Variants in CENPP observed in about 807,000 individuals in gnomAD.
CENPP encodes centromere protein P.
In CENPP, 24 loss-of-function variants were observed where a neutral mutation model predicts 35.6. The ratio of observed to expected loss-of-function variants is 0.67; its 90% CI spans 0.49 to 0.95. The LOEUF is 0.95. Ranked by LOEUF, CENPP falls within the 40% of genes least tolerant of loss-of-function variation. The pLI is 0.00. For synonymous variants in CENPP, 120 were observed against 125.5 expected (o/e 0.96, Z 0.29); for missense variants, 332 against 345.3 (o/e 0.96, Z 0.31).
In CENPP at chr9:92,620,356, G is replaced by A. The variant is rs1001955110; in HGVS notation, c.*7207G>A. On this transcript the variant is annotated 3_prime_UTR_variant, in exon 8 of 8. Transcript: ENST00000375587. ...CTGTACATGTGCACATGTGTGTGAC[G>A]CGGGCAGGGAGAAAGGTGAAGGACA... The A allele has an allele frequency of 3.9e-5, 6 of 152,328 alleles. No homozygotes were observed. The highest frequency in any genetic ancestry group is 1.2e-4 in the African/African-American group (5 of 41,454). The allele number at this position is 152,328 out of a possible 1,614,324, so 9.4% of individuals were successfully genotyped here.
At chr9:92,417,270 AG>A (rs1299823661) in intron 5 of CENPP, 1 of 1,614,140 alleles carries the variant, frequency 6.2e-7, no homozygotes, top group Admixed American at 1.7e-5. Flanking sequence ...AACTGAAGGT[AG>A]AGTTGCTGAA....
At chr9:92,376,466 T>C (rs1340508781) in intron 4 of CENPP, among the ~76,000 whole-genome samples, 7 of 152,008 alleles carry the variant, frequency 4.6e-5, no homozygotes, top group Admixed American at 2.6e-4. Flanking sequence ...AGAGTGGATA[T>C]TTAATAGGTG....
At chr9:92,393,101 C>A (rs1472401040) in intron 5 of CENPP, 4 of 1,613,328 alleles carry the variant, frequency 2.5e-6, no homozygotes, top group Non-Finnish European at 3.4e-6. Context: ...TCTGCAAAAT[C>A]TTTGGCAGTC....
chr9:92,551,963 TGTGTG>T (rs1405552280), intron 5 of CENPP, among the ~76,000 whole-genome samples: 8 of 111,540 alleles, frequency 7.2e-5, no homozygotes, highest in Non-Finnish European at 1.4e-4. Context: ...GATATATATA[TGTGTG>T]ATATATATGT....
At chr9:92,552,056 A>G (rs944617575) in intron 5 of CENPP, among the ~76,000 whole-genome samples, 1 of 133,174 alleles carries the variant, frequency 7.5e-6, no homozygotes, top group Admixed American at 7.4e-5. Context: ...TAGGTCTATC[A>G]TATATGTGAT....
chr9:92,503,663 TA>T (rs1440333385), intron 5 of CENPP, among the ~76,000 whole-genome samples: 1 of 152,218 alleles, frequency 6.6e-6, no homozygotes, highest in Non-Finnish European at 1.5e-5. Context: ...AATTCAGAGG[TA>T]AAACTGGCAT....
chr9:92,515,763 TAGAG>T (rs1183659056), intron 5 of CENPP, among the ~76,000 whole-genome samples: 5 of 152,222 alleles, frequency 3.3e-5, no homozygotes, highest in African/African-American at 1.2e-4. Flanking sequence ...TTCAGAATTA[TAGAG>T]AGAGAGTTTT....
In CENPP at chr9:92,619,661, C is replaced by A. The variant is rs1277860359; in HGVS notation, c.*6512C>A. The A allele has an allele frequency of 1.8e-6, 2 of 1,112,376 alleles. No individual in the cohort carries two copies. Among genetic ancestry groups the A allele is most frequent in the East Asian group, 5.2e-5 (2 of 38,536 alleles). The allele number at this position is 1,112,376 out of a possible 1,614,324, so 68.9% of individuals were successfully genotyped here. A position where few individuals can be genotyped will look rare whatever the true frequency, so the allele number is the denominator to read the frequency against. ...CAGTAGCCAAGTGTGGGAACTGCTT[C>A]CTGCCTCAGAACCTGAGGGTGGGAT... is the stretch of plus-strand genomic sequence containing the variant. On this transcript the variant is annotated 3_prime_UTR_variant, in exon 8 of 8. Coordinates refer to ENST00000375587, the MANE Select transcript of CENPP (RefSeq NM_001012267.3).
intron 7 of CENPP, 91 bp from the exon 8 acceptor site, chr9:92,612,928 G>A (rs1287701363): frequency 4.8e-6 from 7 of 1,465,966 alleles, no homozygotes; most frequent in South Asian, 2.4e-5. Context: ...GGAGGAGTGC[G>A]GGGTCTTGGT....
chr9:92,466,281 T>G, intron 5 of CENPP: 2 of 954,628 alleles, frequency 2.1e-6, no homozygotes. Context: ...AAATTATTCT[T>G]AATAGTGACG....
chr9:92,557,052 T>G (rs1455961751), intron 5 of CENPP, among the ~76,000 whole-genome samples: 1 of 152,242 alleles, frequency 6.6e-6, no homozygotes. Flanking sequence ...CAGCATTTGT[T>G]TGTCTGAAAA....
intron 5 of CENPP, among the ~76,000 whole-genome samples, chr9:92,461,303 C>T (rs1845100953): frequency 6.6e-6 from 1 of 152,124 alleles, no homozygotes; most frequent in East Asian, 1.9e-4. Context: ...TCACATCTAA[C>T]AAGATTAATA....
intron 5 of CENPP, among the ~76,000 whole-genome samples, chr9:92,589,347 A>G (rs1043038099): frequency 6.6e-6 from 1 of 151,724 alleles, no homozygotes; most frequent in Non-Finnish European, 1.5e-5. Context: ...CTGTCTCAAA[A>G]AAAAAAAAAT....
chr9:92,415,056 TA>T, intron 5 of CENPP: 3 of 934,558 alleles, frequency 3.2e-6, no homozygotes, highest in South Asian at 2.1e-5. Flanking sequence ...TACATAATTC[TA>T]AATATATTAC....
chr9:92,478,194 G>A lies in CENPP; in HGVS notation c.564+98335G>A, dbSNP rs182219513. The stretch of plus-strand genomic sequence containing the variant: ...TCAGTCCGCCAACAGAATTTTCTTT[G>A]CTTTATTTCTGCATATACTGCTGTC... On this transcript the variant is annotated intron_variant, in intron 5 of 7. Transcript: ENST00000375587. Among the ~76,000 whole-genome samples, 311 of 151,550 alleles carry A rather than the reference G, an allele frequency of 2.1e-3. 7 individuals are homozygous for A. Among genetic ancestry groups the A allele is most frequent in the Non-Finnish European group, 1.2e-3 (83 of 67,870 alleles).
chr9:92,414,571 T>C (rs1040121885), intron 5 of CENPP: 7 of 209,604 alleles, frequency 3.3e-5, no homozygotes, highest in Non-Finnish European at 6.8e-5. Context: ...AGTACCTGGA[T>C]GGCCTCTTAC....
At chr9:92,347,119 G>T (rs1301463356) in intron 4 of CENPP, among the ~76,000 whole-genome samples, 1 of 152,166 alleles carries the variant, frequency 6.6e-6, no homozygotes. Flanking sequence ...ACTAGAAAAG[G>T]CCCTAGAACT....
At chr9:92,417,482 T>C in intron 5 of CENPP, 1 of 1,613,796 alleles carries the variant, frequency 6.2e-7, no homozygotes, top group East Asian at 2.2e-5. Flanking sequence ...TTCATCCCAC[T>C]GATAAGTTTC....
chr9:92,505,766 A>G, intron 5 of CENPP: 4 of 1,226,026 alleles, frequency 3.3e-6, no homozygotes, highest in Non-Finnish European at 4.5e-6. Flanking sequence ...TTGAAATGTC[A>G]TGTGAAATGG....
Sources: gnomAD v4.1 joint callset for allele counts (sites outside exome capture counted in the v4.1 genomes callset) on GRCh38, gnomAD v4.1.1 for gene constraint, MANE v1.5 for transcripts, NCBI Gene and HGNC (gene_info 2026-07-23, HGNC 2026-07-21) for gene names.